Variants in METRNL observed in about 807,000 individuals in gnomAD.
METRNL encodes meteorin like, glial cell differentiation regulator, also known as meteorin-like protein.
Under a neutral mutation model 17.4 loss-of-function variants are expected in METRNL, and 9 were observed. The ratio of observed to expected loss-of-function variants is 0.52; its 90% CI spans 0.31 to 0.90. The LOEUF (loss-of-function observed/expected upper bound fraction) is 0.90. Among genes scored for constraint, METRNL ranks in the 40% least tolerant of loss-of-function variants. METRNL has a pLI of 0.05. For missense variants in METRNL, 408 were observed against 430.7 expected (o/e 0.95, Z 0.47); for synonymous variants, 215 against 199.3 (o/e 1.08, Z -0.66).
rs186015165 is a variant in METRNL, at chr17:83,089,311, A to C, written c.557-3856A>C. On this transcript the variant is annotated intron_variant, in intron 2 of 3. Transcript: ENST00000320095. ...TCTAAAAGCAGCGTGTCCCCCCGCT[A>C]CCCCGTCACCACCTGTGTGGGAGAC... is the stretch of plus-strand genomic sequence containing the variant. Among the ~76,000 whole-genome samples the C allele has an allele frequency of 5.3e-3, 800 of 152,040 alleles. 6 individuals carry two copies. The highest frequency in any genetic ancestry group is 0.016 in the African/African-American group (674 of 41,398).
rs754755665 is a variant in METRNL, at chr17:83,085,251, G to C, written c.484G>C (p.Gly162Arg). 2 of 1,573,886 alleles carry C rather than the reference G, an allele frequency of 1.3e-6. No individual in the cohort carries two copies. Among genetic ancestry groups the C allele is most frequent in the African/African-American group, 1.4e-5 (1 of 73,792 alleles). Residue 162 changes from glycine to arginine, a missense_variant, in exon 2 of 4, where the codon GGC becomes CGC. Physicochemically the swap from Gly to Arg is moderately radical, Grantham distance 125 (BLOSUM62 -2). Coordinates refer to ENST00000320095, the MANE Select transcript of METRNL (RefSeq NM_001004431.3). Reference sequence around the variant, plus strand: ...GGAGGCCACGCCGCAGCAGGATATCGGCCGGAGGACCACAGGCTTCCAGTA... The same window carrying C: ...GGAGGCCACGCCGCAGCAGGATATCCGCCGGAGGACCACAGGCTTCCAGTA... ...FVEATPQQDI[G>R]RRTTGFQYEL...
chr17:83,094,638 T>G lies in METRNL; in HGVS notation c.*63T>G. On this transcript the variant is annotated 3_prime_UTR_variant, in exon 4 of 4. Coordinates refer to ENST00000320095, the MANE Select transcript of METRNL (RefSeq NM_001004431.3). ...CAGGCTGCGGTGGGCGCTGCGGTCC[T>G]GGTGGGGCCGTGCGGTGAGGGCCGC... The G allele has an allele frequency of 7.5e-7, 1 of 1,339,496 alleles. No homozygotes were observed. Among genetic ancestry groups the G allele is most frequent in the Non-Finnish European group, 9.7e-7 (1 of 1,029,850 alleles). 83.0% of individuals were successfully genotyped at this position (1,339,496 alleles called of 1,614,324 possible).
At chr17:83,090,168 A>AC (rs1332883879) in intron 2 of METRNL, among the ~76,000 whole-genome samples, 2 of 73,358 alleles carry the variant, frequency 2.7e-5, no homozygotes, top group African/African-American at 9.3e-5. Context: ...TGGGAGCCAC[A>AC]CACCCCTGCC....
intron 1 of METRNL, chr17:83,080,294 G>T (rs1443177104): frequency 6.6e-6 from 1 of 151,318 alleles, no homozygotes; most frequent in Non-Finnish European, 1.5e-5. Flanking sequence ...CCATCCCGGG[G>T]GCAGGCGGGG....
chr17:83,079,777 C>G lies in METRNL; in HGVS notation c.-39C>G, dbSNP rs2037959252. ...CGGCTCCGGGGTCTGCTCCGGGGGTCGCGGACGCGGGGCCGGGCGGCGGAG... is the reference window on the plus strand; with the variant it reads ...CGGCTCCGGGGTCTGCTCCGGGGGTGGCGGACGCGGGGCCGGGCGGCGGAG... On this transcript the variant is annotated 5_prime_UTR_variant, in exon 1 of 4. Coordinates refer to ENST00000320095, the MANE Select transcript of METRNL (RefSeq NM_001004431.3). 2.1e-6 allele frequency: 2 copies of G among 950,516 alleles called. No homozygotes were observed. The highest frequency in any genetic ancestry group is 5.0e-5 in the South Asian group (1 of 19,898). 58.9% of individuals were successfully genotyped at this position (950,516 alleles called of 1,614,324 possible).
intron 2 of METRNL, among the ~76,000 whole-genome samples, chr17:83,088,545 T>C (rs2038078920): frequency 6.6e-6 from 1 of 152,134 alleles, no homozygotes; most frequent in African/African-American, 2.4e-5. Flanking sequence ...GGCCCCCCAA[T>C]GCAGGCCCCA....
intron 2 of METRNL, among the ~76,000 whole-genome samples, chr17:83,090,673 C>T (rs549623016): frequency 6.2e-4 from 93 of 150,988 alleles, no homozygotes; most frequent in African/African-American, 2.2e-3. Flanking sequence ...ACTGGGGTCA[C>T]CACGCTTCTG....
At chr17:83,080,525 G>A (rs1382615047) in intron 1 of METRNL, among the ~76,000 whole-genome samples, 1 of 133,736 alleles carries the variant, frequency 7.5e-6, no homozygotes, top group African/African-American at 2.7e-5. Context: ...CCCCGTGAAG[G>A]TCAGGCCGCC....
chr17:83,090,082 G>C (rs2038101282), intron 2 of METRNL, among the ~76,000 whole-genome samples: 1 of 151,880 alleles, frequency 6.6e-6, no homozygotes, highest in Non-Finnish European at 1.5e-5. Context: ...AGGCCCCGGG[G>C]TGGGACGCAT....
chr17:83,094,332 A>T lies in METRNL; in HGVS notation c.693A>T (p.Arg231Ser), dbSNP rs764734753. The T allele has an allele frequency of 1.1e-5, 17 of 1,609,026 alleles. No homozygotes were observed. In the South Asian group the frequency reaches 1.9e-4, roughly 18 times the overall value. Residue 231 changes from arginine to serine, a missense_variant, in exon 4 of 4, where the codon AGA becomes AGT. By Grantham distance (110) the Arg-to-Ser change is moderately radical. Coordinates refer to ENST00000320095, the MANE Select transcript of METRNL (RefSeq NM_001004431.3). ...QDSAIHLRVS[R>S]LYRQKSRVFE... ...CAGCCATCCACCTGCGCGTGAGCAG[A>T]CTCTATCGGCAGAAAAGCAGGGTCT...
intron 2 of METRNL, among the ~76,000 whole-genome samples, chr17:83,092,676 G>C (rs2038153818): frequency 6.6e-6 from 1 of 151,626 alleles, no homozygotes; most frequent in Non-Finnish European, 1.5e-5. Flanking sequence ...GCCGTGGGCT[G>C]TGGAGGTGGG....
chr17:83,081,653 A>G (rs2037990032), intron 1 of METRNL, among the ~76,000 whole-genome samples: 1 of 151,070 alleles, frequency 6.6e-6, no homozygotes, highest in Non-Finnish European at 1.5e-5. Context: ...CAGACTCCCC[A>G]GAGGGGACCC....
chr17:83,093,166 G>C lies in METRNL; in HGVS notation c.557-1G>C. 1 of 1,607,500 alleles carries C rather than the reference G, an allele frequency of 6.2e-7. No homozygotes were observed. The highest frequency in any genetic ancestry group is 1.1e-5 in the South Asian group (1 of 91,080). Reference sequence around the variant, plus strand: ...TTCCTGACTCTGCCTTTCTTCTCCAGCGCCGTGCCGTCCCTGCAGTGACAC... The same window carrying C: ...TTCCTGACTCTGCCTTTCTTCTCCACCGCCGTGCCGTCCCTGCAGTGACAC... On this transcript the variant is annotated splice_acceptor_variant, in intron 2 of 3. Coordinates refer to ENST00000320095, the MANE Select transcript of METRNL (RefSeq NM_001004431.3). LOFTEE classifies it high-confidence loss of function.
chr17:83,085,529 C>T (rs1200359494), intron 2 of METRNL, among the ~76,000 whole-genome samples: 1 of 152,016 alleles, frequency 6.6e-6, no homozygotes, highest in Non-Finnish European at 1.5e-5. Context: ...CAGAGGGGCC[C>T]TCCTAGGGGG....
intron 1 of METRNL, among the ~76,000 whole-genome samples, chr17:83,080,990 C>T (rs1333228044): frequency 6.6e-6 from 1 of 151,528 alleles, no homozygotes; most frequent in African/African-American, 2.4e-5. Flanking sequence ...CAGGTCTCCC[C>T]GCAGCCGCAG....
At chr17:83,084,907 G>C (rs555176447) in intron 1 of METRNL, 31 bp from the exon 2 acceptor site, 3 of 1,584,962 alleles carry the variant, frequency 1.9e-6, no homozygotes, top group Non-Finnish European at 2.6e-6. Context: ...CGGGAGCTCC[G>C]GGCCTGGCTG....
At chr17:83,080,571 C>CCA (rs1555728866) in intron 1 of METRNL, among the ~76,000 whole-genome samples, 1 of 131,226 alleles carries the variant, frequency 7.6e-6, no homozygotes, top group Non-Finnish European at 1.7e-5. Flanking sequence ...GGCGACCCCC[C>CCA]CCCCCCCCAC....
At chr17:83,089,218 C>T (rs1322563223) in intron 2 of METRNL, among the ~76,000 whole-genome samples, 1 of 152,156 alleles carries the variant, frequency 6.6e-6, no homozygotes. Flanking sequence ...GGAGCCCACC[C>T]TCCACCCCTA....
rs2037960577 is a variant in METRNL at position 83,079,845 on chromosome 17, G to T, written c.30G>T (p.Gly10=). ...GGGGCGCGGCGCGGGCGGCCTGGGGGCGCGCGGGGCAGCCGTGGCCGCGAC... is the reference window on the plus strand; with the variant it reads ...GGGGCGCGGCGCGGGCGGCCTGGGGTCGCGCGGGGCAGCCGTGGCCGCGAC... MRGAARAAW[G]RAGQPWPRPP... Residue 10 remains glycine, a synonymous_variant, in exon 1 of 4, where the codon GGG becomes GGT. Transcript: ENST00000320095. 4.2e-5 allele frequency: 41 copies of T among 974,324 alleles called. No homozygotes were observed. Among genetic ancestry groups the T allele is most frequent in the Non-Finnish European group, 5.0e-5 (41 of 823,314 alleles). 60.4% of individuals were successfully genotyped at this position (974,324 alleles called of 1,614,324 possible). A position where few individuals can be genotyped will look rare whatever the true frequency, so the allele number is the denominator to read the frequency against.
Sources: allele counts gnomAD v4.1 joint callset (sites outside exome capture counted in the v4.1 genomes callset), GRCh38; gene constraint gnomAD v4.1.1; transcripts MANE v1.5; gene names NCBI Gene and HGNC (gene_info 2026-07-23, HGNC 2026-07-21).